Variants in TBCK observed in about 807,000 individuals in gnomAD.
TBCK encodes the protein TBC domain-containing protein kinase-like protein.
A neutral mutation model predicts 113.4 loss-of-function variants in TBCK; 99 were observed. The observed-to-expected ratio is 0.87, with a 90% confidence interval of 0.74 to 1.03. The LOEUF (loss-of-function observed/expected upper bound fraction) is 1.03, where lower values mean the gene tolerates loss of function less well. Among genes scored for constraint, TBCK ranks in the 50% least tolerant of loss-of-function variants. TBCK has a pLI of 0.00. For missense variants in TBCK, 1,045 were observed against 1,061.3 expected, an observed-to-expected ratio of 0.98 and a Z score of 0.21; for synonymous variants, 369 against 370.8, an observed-to-expected ratio of 1.00 and a Z score of 0.05.
chr4:106,212,007 A>G (rs1756193839), intron 20 of TBCK, among the ~76,000 whole-genome samples: 1 of 152,080 alleles, frequency 6.6e-6, no homozygotes. Context: ...TAACTTTTGA[A>G]TGAATAATAC....
intron 15 of TBCK, 66 bp downstream of exon 15, chr4:106,235,203 G>T: frequency 1.0e-6 from 1 of 982,848 alleles, no homozygotes. Context: ...TATTTGGAAA[G>T]CACTCTCCTT....
intron 3 of TBCK, among the ~76,000 whole-genome samples, chr4:106,281,976 T>C (rs956738827): frequency 3.9e-5 from 6 of 152,074 alleles, no homozygotes; most frequent in African/African-American, 9.7e-5. Flanking sequence ...TTGAGTACAA[T>C]TGGCACTAAC....
At chr4:106,195,461 G>T (rs1406510581) in intron 20 of TBCK, among the ~76,000 whole-genome samples, 1 of 145,846 alleles carries the variant, frequency 6.9e-6, no homozygotes, top group Non-Finnish European at 1.5e-5. Context: ...TGCATCAGGT[G>T]ATACCTAGGT....
At chr4:106,260,276 T>C (rs908326673) in intron 5 of TBCK, among the ~76,000 whole-genome samples, 161 bp downstream of exon 5, 5 of 151,956 alleles carry the variant, frequency 3.3e-5, no homozygotes, top group African/African-American at 1.2e-4. Flanking sequence ...AAACTCATTG[T>C]CTACTCATTT....
At chr4:106,267,937 G>A (rs775887142) in intron 3 of TBCK, among the ~76,000 whole-genome samples, 30 of 152,020 alleles carry the variant, frequency 2.0e-4, no homozygotes, top group Non-Finnish European at 3.7e-4. Context: ...CACAGCCACA[G>A]GTTTTCATCT....
At chr4:106,309,303 CTCTTTTTTTTTTTTTT>C (rs1767909300) in intron 1 of TBCK, among the ~76,000 whole-genome samples, 1 of 130,052 alleles carries the variant, frequency 7.7e-6, no homozygotes, top group Non-Finnish European at 1.6e-5. Context: ...TAAGGCTCTT[CTCTTTTTTTTTTTTTT>C]TTTTTTTTTT....
rs144263147 is a variant in TBCK, at chr4:106,093,803, G to A, written c.2571+1679C>T. 2.7e-3 allele frequency among the ~76,000 whole-genome samples: 395 copies of A among 148,690 alleles called. 1 individual carries two copies. The Middle Eastern group carries it at 0.045, about 17-fold the overall frequency. ...ACATGTTTACCTATATAACATACCT[G>A]CACATGTATCCCTGAACCTAAAATA... On this transcript the variant is annotated intron_variant, in intron 25 of 25. Coordinates refer to ENST00000394708, the MANE Select transcript of TBCK (RefSeq NM_001163435.3).
chr4:106,136,261 C>T lies in TBCK; in HGVS notation c.2236-19883G>A, dbSNP rs1020070411. On this transcript the variant is annotated intron_variant, in intron 23 of 25. Transcript: ENST00000394708. ...TAAATTAAAACAATAAATAATAAAA[C>T]TACTCTTCAAGGAGTGAATCACTCC... Among the ~76,000 whole-genome samples the T allele has an allele frequency of 1.0e-4, 14 of 140,522 alleles. 1 individual carries two copies. Among genetic ancestry groups the T allele is most frequent in the Middle Eastern group, 3.5e-3 (1 of 282 alleles). 92.2% of individuals were successfully genotyped at this position (140,522 alleles called of 152,430 possible). A position where few individuals can be genotyped will look rare whatever the true frequency, so the allele number is the denominator to read the frequency against.
chr4:106,069,940 TTGTC>T (rs1372936107), intron 25 of TBCK, among the ~76,000 whole-genome samples: 2 of 151,618 alleles, frequency 1.3e-5, no homozygotes, highest in Non-Finnish European at 1.5e-5. Context: ...ATTTGGTTGT[TTGTC>T]TGTTACTGGT....
rs1747144819 is a variant in TBCK, at chr4:106,141,546, T to C, written c.2236-25168A>G. Among the ~76,000 whole-genome samples, 2 of 140,968 alleles carry C rather than the reference T, an allele frequency of 1.4e-5. 1 individual carries two copies. The highest frequency in any genetic ancestry group is 3.2e-5 in the Non-Finnish European group (2 of 62,020). The allele number at this position is 140,968 out of a possible 152,430, so 92.5% of individuals were successfully genotyped here. On this transcript the variant is annotated intron_variant, in intron 23 of 25. Coordinates refer to ENST00000394708, the MANE Select transcript of TBCK (RefSeq NM_001163435.3). The stretch of plus-strand genomic sequence containing the variant: ...TGTGATTCAAAAGTTTAAGAGTCTA[T>C]GTCCTTAATCACTATATCAAACTGT...
At chr4:106,233,363 C>T (rs1400460380) in intron 16 of TBCK, among the ~76,000 whole-genome samples, 1 of 151,956 alleles carries the variant, frequency 6.6e-6, no homozygotes, top group Admixed American at 6.6e-5. Flanking sequence ...GCAAATTTTT[C>T]AGATGAAGAA....
intron 10 of TBCK, among the ~76,000 whole-genome samples, chr4:106,246,498 TTA>T (rs748284518): frequency 7.9e-5 from 12 of 152,204 alleles, no homozygotes; most frequent in Non-Finnish European, 1.8e-4. Context: ...AATATTATTT[TTA>T]GAGATCATTT....
At chr4:106,314,529 G>C (rs555900540) in intron 1 of TBCK, among the ~76,000 whole-genome samples, 1 of 151,554 alleles carries the variant, frequency 6.6e-6, no homozygotes, top group Admixed American at 6.6e-5. Context: ...AAGGTTAAAA[G>C]TGGTTATCTT....
At chr4:106,230,230 T>C in intron 19 of TBCK, 133 bp downstream of exon 19, 1 of 442,954 alleles carries the variant, frequency 2.3e-6, no homozygotes. Flanking sequence ...TTCTAATTTC[T>C]CTTTATGGAT....
chr4:106,116,912 GTAA>G (rs1265085618), intron 23 of TBCK, among the ~76,000 whole-genome samples: 3 of 151,868 alleles, frequency 2.0e-5, no homozygotes, highest in African/African-American at 7.3e-5. Flanking sequence ...ATATTACAAT[GTAA>G]TAATAATATA....
intron 19 of TBCK, among the ~76,000 whole-genome samples, chr4:106,217,470 CA>C (rs1757097295): frequency 6.6e-6 from 1 of 152,190 alleles, no homozygotes; most frequent in South Asian, 2.1e-4. Flanking sequence ...TAGAAAACCC[CA>C]TTGTCTCAGC....
At chr4:106,113,002 T>C (rs1743036949) in intron 24 of TBCK, among the ~76,000 whole-genome samples, 1 of 152,248 alleles carries the variant, frequency 6.6e-6, no homozygotes, top group African/African-American at 2.4e-5. Flanking sequence ...AACACCATGT[T>C]ACACATGTGC....
intron 23 of TBCK, among the ~76,000 whole-genome samples, chr4:106,123,559 C>T (rs143820903): frequency 0.017 from 2,566 of 152,202 alleles, 31 homozygotes; most frequent in Middle Eastern, 0.088. Context: ...GAGCCCACAT[C>T]GCCAAGGCAA....
chr4:106,171,360 C>A, intron 22 of TBCK, 90 bp from the exon 23 acceptor site: 1 of 892,700 alleles, frequency 1.1e-6, no homozygotes, highest in East Asian at 2.7e-5. Context: ...GTGAATATAT[C>A]TAAATATGGC....
Sources: allele counts gnomAD v4.1 joint callset (sites outside exome capture counted in the v4.1 genomes callset), GRCh38; gene constraint gnomAD v4.1.1; transcripts MANE v1.5; gene names NCBI Gene and HGNC (gene_info 2026-07-23, HGNC 2026-07-21).